Variants in SLFN12 observed in about 807,000 individuals in gnomAD.
SLFN12 encodes schlafen family member 12.
Under a neutral mutation model 29.1 loss-of-function variants are expected in SLFN12, and 25 were observed. The observed-to-expected ratio is 0.86, with a 90% CI of 0.63 to 1.20. SLFN12 has a LOEUF of 1.20. SLFN12 is among the 50% of genes most tolerant of loss of function. SLFN12 has a pLI of 0.00. For synonymous variants in SLFN12, 257 were observed against 238.7 expected (o/e 1.08, Z -0.71); for missense variants, 660 against 666.2 (o/e 0.99, Z 0.10).
rs1239716400 is a variant in SLFN12, at chr17:35,411,552, C to A, written c.1523G>T (p.Cys508Phe). The A allele has an allele frequency of 6.2e-7, 1 of 1,613,936 alleles. No homozygotes were observed. The highest frequency in any genetic ancestry group is 8.5e-7 in the Non-Finnish European group (1 of 1,180,014). Residue 508 changes from cysteine (C) to phenylalanine (F), a missense_variant, in exon 4 of 4, where the codon TGC (cysteine) becomes TTC (phenylalanine). By Grantham distance (205) the Cys-to-Phe change is radical (BLOSUM62 -2). Coordinates refer to ENST00000304905, the MANE Select transcript of SLFN12 (RefSeq NM_018042.5). ...TACTTGCGACCTTAAATCATACTGGCAGCTTGTCATGCCTTCAGGGCTCAA... is the reference window on the plus strand; with the variant it reads ...TACTTGCGACCTTAAATCATACTGGAAGCTTGTCATGCCTTCAGGGCTCAA... ...FYLSPEGMTSCQYDLRSQVIY... is the reference protein window; with the variant it reads ...FYLSPEGMTSFQYDLRSQVIY...
At chr17:35,423,190 G>T in intron 1 of SLFN12, 122 bp from the exon 2 acceptor site, 1 of 1,117,900 alleles carries the variant, frequency 8.9e-7, no homozygotes. Context: ...GTAAGTATAT[G>T]GATATGAAGA....
intron 3 of SLFN12, among the ~76,000 whole-genome samples, chr17:35,417,814 T>C (rs945258844): frequency 6.6e-6 from 1 of 152,016 alleles, no homozygotes. Flanking sequence ...ATCAACTGCA[T>C]TTCTACACAT....
chr17:35,415,404 A>G (rs559535132), intron 3 of SLFN12, among the ~76,000 whole-genome samples: 1 of 152,278 alleles, frequency 6.6e-6, no homozygotes, highest in Admixed American at 6.5e-5. Flanking sequence ...CTGAAACCAT[A>G]AAAATTCTAC....
At chr17:35,415,759 T>C (rs1911276604) in intron 3 of SLFN12, among the ~76,000 whole-genome samples, 1 of 152,178 alleles carries the variant, frequency 6.6e-6, no homozygotes, top group African/African-American at 2.4e-5. Flanking sequence ...CATGAAAATA[T>C]GCTCAACATC....
At chr17:35,426,543 G>T (rs1168877286) in intron 1 of SLFN12, among the ~76,000 whole-genome samples, 1 of 152,044 alleles carries the variant, frequency 6.6e-6, no homozygotes, top group Admixed American at 6.5e-5. Context: ...TAAAATCTTT[G>T]TCTAATATGT....
At chr17:35,426,079 T>C (rs1329422554) in intron 1 of SLFN12, among the ~76,000 whole-genome samples, 1 of 151,818 alleles carries the variant, frequency 6.6e-6, no homozygotes, top group Non-Finnish European at 1.5e-5. Context: ...ATATCTGTTG[T>C]CCATTAGAAT....
At chr17:35,421,902 A>G in intron 2 of SLFN12, 88 bp downstream of exon 2, 1 of 1,471,134 alleles carries the variant, frequency 6.8e-7, no homozygotes, top group Non-Finnish European at 9.1e-7. Flanking sequence ...AAATTTGAGG[A>G]CTATTGATCT....
chr17:35,416,959 C>G (rs988228348), intron 3 of SLFN12, among the ~76,000 whole-genome samples: 1 of 152,016 alleles, frequency 6.6e-6, no homozygotes, highest in African/African-American at 2.4e-5. Context: ...GAAGACAAAC[C>G]ATTTTACAGG....
At chr17:35,424,500 G>C (rs531981248) in intron 1 of SLFN12, among the ~76,000 whole-genome samples, 5 of 151,370 alleles carry the variant, frequency 3.3e-5, no homozygotes, top group Admixed American at 1.3e-4. Context: ...TAACTTTTAA[G>C]TTAAGTTAAT....
At chr17:35,420,013 C>T (rs1911531222) in intron 3 of SLFN12, among the ~76,000 whole-genome samples, 1 of 152,084 alleles carries the variant, frequency 6.6e-6, no homozygotes, top group African/African-American at 2.4e-5. Context: ...GATATATATG[C>T]TTTCTTTTTT....
chr17:35,411,536 C>T lies in SLFN12; in HGVS notation c.1539G>A (p.Arg513=), dbSNP rs1911004641. 6.2e-7 allele frequency: 1 copy of T among 1,614,060 alleles called. No homozygotes were observed. The highest frequency in any genetic ancestry group is 8.5e-7 in the Non-Finnish European group (1 of 1,180,006). The change falls in exon 4 of 4, where the codon AGG becomes AGA. Residue 513 remains arginine, a synonymous_variant. Transcript: ENST00000304905. The part of the protein sequence containing the change: ...EGMTSCQYDL[R]SQVIYPESYY... ...AGGATTCAGGGTAAATTACTTGCGA[C>T]CTTAAATCATACTGGCAGCTTGTCA...
At chr17:35,427,276 G>A (rs558270989) in intron 1 of SLFN12, among the ~76,000 whole-genome samples, 4 of 152,146 alleles carry the variant, frequency 2.6e-5, no homozygotes, top group Non-Finnish European at 5.9e-5. Context: ...AGTTGCAACA[G>A]ATCTTTGTTG....
intron 3 of SLFN12, among the ~76,000 whole-genome samples, chr17:35,418,535 G>T (rs1911443646): frequency 6.6e-6 from 1 of 151,802 alleles, no homozygotes; most frequent in African/African-American, 2.4e-5. Flanking sequence ...TAAGAATATA[G>T]TATATGATAC....
intron 1 of SLFN12, among the ~76,000 whole-genome samples, chr17:35,431,044 A>G (rs1912288053): frequency 6.6e-6 from 1 of 152,128 alleles, no homozygotes; most frequent in Admixed American, 6.5e-5. Context: ...TACCTGGTGA[A>G]AATACACTGT....
At chr17:35,415,345 C>T (rs1297322228) in intron 3 of SLFN12, among the ~76,000 whole-genome samples, 5 of 152,090 alleles carry the variant, frequency 3.3e-5, no homozygotes, top group African/African-American at 4.8e-5. Context: ...TCATCTCTCA[C>T]CTTATACAAA....
chr17:35,424,090 C>A (rs1006110009), intron 1 of SLFN12, among the ~76,000 whole-genome samples: 11 of 152,150 alleles, frequency 7.2e-5, no homozygotes, highest in African/African-American at 2.4e-4. Flanking sequence ...TCCATTAGCT[C>A]TGTTCCCTTA....
At chr17:35,421,928 A>G in intron 2 of SLFN12, 62 bp downstream of exon 2, 1 of 1,563,500 alleles carries the variant, frequency 6.4e-7, no homozygotes, top group Non-Finnish European at 8.7e-7. Context: ...CAGATCCCAT[A>G]GAGAAAACCT....
At position 35,411,545 on chromosome 17, in the gene SLFN12, A is replaced by C. The variant is rs1396946807; in HGVS notation, c.1530T>G (p.Tyr510Ter). ...LSPEGMTSCQ[Y>*]DLRSQVIYPE... ...GGTAAATTACTTGCGACCTTAAATC[A>C]TACTGGCAGCTTGTCATGCCTTCAG... Residue 510 changes from tyrosine to a stop codon, truncating the protein, a stop_gained, in exon 4 of 4, where the codon TAT becomes TAG. Coordinates refer to ENST00000304905, the MANE Select transcript of SLFN12 (RefSeq NM_018042.5). LOFTEE classifies it low-confidence loss of function (END_TRUNC). The C allele has an allele frequency of 1.9e-6, 3 of 1,614,000 alleles. No homozygotes were observed. Among genetic ancestry groups the C allele is most frequent in the Non-Finnish European group, 2.5e-6 (3 of 1,180,016 alleles).
rs1178293750 is a variant in SLFN12, at chr17:35,411,309, A to G, written c.*29T>C. The G allele has an allele frequency of 2.2e-6, 3 of 1,380,594 alleles. No homozygotes were observed. The highest frequency in any genetic ancestry group is 2.9e-6 in the Non-Finnish European group (3 of 1,023,188). The allele number at this position is 1,380,594 out of a possible 1,614,324, so 85.5% of individuals were successfully genotyped here. Reference sequence around the variant, plus strand: ...GAATGTTATCAAATATATAATGAAAAATATCTCAGTAGCCCAGTCCATTTT... The same window carrying G: ...GAATGTTATCAAATATATAATGAAAGATATCTCAGTAGCCCAGTCCATTTT... On this transcript the variant is annotated 3_prime_UTR_variant, in exon 4 of 4. Coordinates refer to ENST00000304905, the MANE Select transcript of SLFN12 (RefSeq NM_018042.5).
Sources: allele counts gnomAD v4.1 joint callset (sites outside exome capture counted in the v4.1 genomes callset), GRCh38; gene constraint gnomAD v4.1.1; transcripts MANE v1.5; gene names NCBI Gene and HGNC (gene_info 2026-07-23, HGNC 2026-07-21).